The following TOM1L1 variants were observed in gnomAD, a reference collection of about 807,000 sequenced individuals.
The protein encoded by TOM1L1 is target of myb1 like 1 membrane trafficking protein.
Under a neutral mutation model 63.4 loss-of-function variants are expected in TOM1L1, and 64 were observed. That is an observed-to-expected ratio of 1.01 (90% CI 0.83 to 1.24). The LOEUF (loss-of-function observed/expected upper bound fraction) is 1.24, where lower values mean the gene tolerates loss of function less well. Among genes scored for constraint, TOM1L1 ranks in the 50% most tolerant of loss-of-function variants. TOM1L1 has a pLI of 0.00. For missense variants in TOM1L1, 536 were observed against 567.0 expected (o/e 0.95, Z 0.55); for synonymous variants, 166 against 194.4 (o/e 0.85, Z 1.22).
chr17:54,917,653 A>G (rs1216655903), intron 7 of TOM1L1, among the ~76,000 whole-genome samples: 2 of 151,484 alleles, frequency 1.3e-5, no homozygotes, highest in Non-Finnish European at 2.9e-5. Flanking sequence ...TCATTTTTTA[A>G]TTTGCATTCT....
chr17:54,944,899 G>C (rs939255373), intron 11 of TOM1L1, among the ~76,000 whole-genome samples: 1 of 152,076 alleles, frequency 6.6e-6, no homozygotes, highest in Non-Finnish European at 1.5e-5. Context: ...TCTTTCTCTT[G>C]GGGGTTGGCT....
intron 7 of TOM1L1, chr17:54,916,735 A>C (rs2143791823): frequency 6.6e-6 from 1 of 152,288 alleles, no homozygotes; most frequent in East Asian, 1.9e-4. Flanking sequence ...TTTGGGAAAC[A>C]AAAAAATTGT....
chr17:54,917,788 G>A (rs1477149795), intron 7 of TOM1L1, among the ~76,000 whole-genome samples: 1 of 152,184 alleles, frequency 6.6e-6, no homozygotes, highest in African/African-American at 2.4e-5. Flanking sequence ...CTACTGCTGT[G>A]CTTGATAATA....
intron 15 of TOM1L1, 43 bp from the exon 16 acceptor site, chr17:54,961,189 GAGA>G: frequency 8.0e-7 from 1 of 1,256,432 alleles, no homozygotes; most frequent in Non-Finnish European, 1.1e-6. Flanking sequence ...AATGGGGAAA[GAGA>G]AGGACAGGAT....
At chr17:54,927,625 A>G (rs556105723) in intron 7 of TOM1L1, among the ~76,000 whole-genome samples, 50 of 152,212 alleles carry the variant, frequency 3.3e-4, no homozygotes, top group Admixed American at 3.1e-3. Context: ...TCCGTGATGG[A>G]CATATGCACC....
chr17:54,904,848 G>T (rs2048385028), intron 2 of TOM1L1, among the ~76,000 whole-genome samples: 1 of 152,144 alleles, frequency 6.6e-6, no homozygotes, highest in Non-Finnish European at 1.5e-5. Flanking sequence ...CTTAATTATT[G>T]ATTATAAATA....
intron 8 of TOM1L1, among the ~76,000 whole-genome samples, chr17:54,931,692 A>G (rs1288276739): frequency 6.6e-6 from 1 of 152,034 alleles, no homozygotes; most frequent in Non-Finnish European, 1.5e-5. Context: ...AGTCCCAGCT[A>G]CTTAGGAGGC....
At chr17:54,934,005 T>C (rs2143878348) in intron 8 of TOM1L1, among the ~76,000 whole-genome samples, 1 of 152,224 alleles carries the variant, frequency 6.6e-6, no homozygotes, top group East Asian at 1.9e-4. Flanking sequence ...TTTCACGGAA[T>C]ACACAATTTA....
chr17:54,945,992 A>G (rs1251325764), intron 11 of TOM1L1, among the ~76,000 whole-genome samples: 1 of 152,212 alleles, frequency 6.6e-6, no homozygotes, highest in African/African-American at 2.4e-5. Flanking sequence ...GTCTTAATTT[A>G]AATCACATCA....
chr17:54,949,745 T>A, intron 13 of TOM1L1, 122 bp downstream of exon 13: 1 of 863,630 alleles, frequency 1.2e-6, no homozygotes. Flanking sequence ...ATTTTTAAGC[T>A]AATGAAACAA....
rs58407367 is a variant in TOM1L1 at position 54,949,203 on chromosome 17, A to ATTTTTTTTTT, written c.1183-308_1183-299dup. ...CAGGTGTGAGCCACCATGCCCAGCT[A>ATTTTTTTTTT]TTTTTTTTTTTTTTTTGTAGAGTTG... On this transcript the variant is annotated intron_variant, in intron 12 of 15. Coordinates refer to ENST00000575882, the MANE Select transcript of TOM1L1 (RefSeq NM_005486.3). Among the ~76,000 whole-genome samples, 899 of 122,218 alleles carry ATTTTTTTTTT rather than the reference A, an allele frequency of 7.4e-3. 61 individuals carry two copies. The highest frequency in any genetic ancestry group is 0.024 in the African/African-American group (757 of 31,424). The allele number at this position is 122,218 out of a possible 152,430, so 80.2% of individuals were successfully genotyped here.
intron 11 of TOM1L1, among the ~76,000 whole-genome samples, chr17:54,942,659 CTTTAA>C (rs1225692899): frequency 1.3e-5 from 2 of 152,092 alleles, no homozygotes; most frequent in Non-Finnish European, 2.9e-5. Context: ...TAGTTTTGTA[CTTTAA>C]TTTTATTTCT....
intron 7 of TOM1L1, among the ~76,000 whole-genome samples, chr17:54,923,248 C>A (rs1365865062): frequency 6.6e-6 from 1 of 152,112 alleles, no homozygotes; most frequent in African/African-American, 2.4e-5. Flanking sequence ...TGAGTATCAA[C>A]CTAAGAGTAG....
At chr17:54,913,933 C>T in intron 5 of TOM1L1, 60 bp downstream of exon 5, 1 of 1,533,358 alleles carries the variant, frequency 6.5e-7, no homozygotes, top group Non-Finnish European at 8.8e-7. Flanking sequence ...GGTCTTTTCT[C>T]ATTACAGGAG....
intron 3 of TOM1L1, among the ~76,000 whole-genome samples, chr17:54,910,916 G>T (rs976776463): frequency 6.6e-6 from 1 of 152,178 alleles, no homozygotes; most frequent in Non-Finnish European, 1.5e-5. Context: ...ACAAAGCATG[G>T]CATGAAGTCC....
chr17:54,932,713 G>A (rs4239188), intron 8 of TOM1L1, among the ~76,000 whole-genome samples: 21,420 of 152,072 alleles, frequency 0.14, 1,892 homozygotes, highest in East Asian at 0.34. Flanking sequence ...GAGCCACCGC[G>A]CCTGGCCACC....
intron 6 of TOM1L1, among the ~76,000 whole-genome samples, chr17:54,915,320 CCTT>C (rs1222638325): frequency 1.3e-5 from 2 of 152,028 alleles, no homozygotes; most frequent in Non-Finnish European, 2.9e-5. Context: ...TTTCTTTATT[CCTT>C]CTTCTTTAAT....
intron 10 of TOM1L1, 155 bp downstream of exon 10, chr17:54,937,381 G>T (rs1403019024): frequency 3.1e-6 from 2 of 651,820 alleles, no homozygotes; most frequent in Non-Finnish European, 2.7e-6. Flanking sequence ...CCGGCAAATG[G>T]TTGAGTCAAA....
intron 14 of TOM1L1, chr17:54,958,485 C>T (rs2144076869): frequency 6.6e-6 from 1 of 152,364 alleles, no homozygotes; most frequent in Middle Eastern, 3.4e-3. Flanking sequence ...AATCCCAGCA[C>T]TTTGAGAGGC....
Sources: gnomAD v4.1 joint callset for allele counts (sites outside exome capture counted in the v4.1 genomes callset) on GRCh38, gnomAD v4.1.1 for gene constraint, MANE v1.5 for transcripts, NCBI Gene and HGNC (gene_info 2026-07-23, HGNC 2026-07-21) for gene names.